Variants in ST6GALNAC3 observed in about 807,000 individuals in gnomAD.
ST6GALNAC3 encodes the protein ST6 N-acetylgalactosaminide alpha-2,6-sialyltransferase 3, also known as alpha-N-acetylgalactosaminide alpha-2,6-sialyltransferase 3.
Under a neutral mutation model 32.7 loss-of-function variants are expected in ST6GALNAC3, and 25 were observed. The ratio of observed to expected loss-of-function variants is 0.76; its 90% CI spans 0.56 to 1.07. The LOEUF (loss-of-function observed/expected upper bound fraction) is 1.07. Ranked by LOEUF, ST6GALNAC3 falls within the 50% of genes least tolerant of loss-of-function variation. ST6GALNAC3 has a pLI of 0.00. For synonymous variants in ST6GALNAC3, 129 were observed against 133.1 expected (o/e 0.97, Z 0.21); for missense variants, 355 against 382.4 (o/e 0.93, Z 0.60).
chr1:76,113,548 G>C (rs1648244162), intron 1 of ST6GALNAC3, among the ~76,000 whole-genome samples: 1 of 151,448 alleles, frequency 6.6e-6, no homozygotes. Context: ...TTCCAAGATG[G>C]ACACTCAGTG....
chr1:76,373,250 T>G (rs1472864895), intron 2 of ST6GALNAC3, among the ~76,000 whole-genome samples: 1 of 152,204 alleles, frequency 6.6e-6, no homozygotes, highest in Non-Finnish European at 1.5e-5. Flanking sequence ...ATTATGCCTC[T>G]AGTGCTGACT....
chr1:76,431,820 T>G (rs1189267107), intron 3 of ST6GALNAC3, among the ~76,000 whole-genome samples: 1 of 152,166 alleles, frequency 6.6e-6, no homozygotes, highest in Non-Finnish European at 1.5e-5. Flanking sequence ...CTGATGAACC[T>G]GCAGTGACAC....
intron 2 of ST6GALNAC3, among the ~76,000 whole-genome samples, chr1:76,342,484 T>A (rs1648129397): frequency 6.6e-6 from 1 of 152,224 alleles, no homozygotes; most frequent in South Asian, 2.1e-4. Context: ...TTTTTTCATA[T>A]GTTTGTTGGC....
At chr1:76,587,817 G>A (rs866801002) in intron 3 of ST6GALNAC3, among the ~76,000 whole-genome samples, 1 of 152,162 alleles carries the variant, frequency 6.6e-6, no homozygotes, top group Non-Finnish European at 1.5e-5. Context: ...AAGCCTGAAG[G>A]CTGGGATTGG....
At chr1:76,521,973 G>A (rs900516319) in intron 3 of ST6GALNAC3, among the ~76,000 whole-genome samples, 2 of 151,826 alleles carry the variant, frequency 1.3e-5, no homozygotes, top group Non-Finnish European at 2.9e-5. Context: ...GGAGGCTGAG[G>A]CAAGAGAATT....
chr1:76,607,898 C>T (rs555509890), intron 3 of ST6GALNAC3, among the ~76,000 whole-genome samples: 1 of 152,290 alleles, frequency 6.6e-6, no homozygotes, highest in South Asian at 2.1e-4. Context: ...TTGCCCCAAC[C>T]AAATGTAGCA....
chr1:76,608,583 G>T (rs891907886), intron 3 of ST6GALNAC3, among the ~76,000 whole-genome samples: 1 of 148,434 alleles, frequency 6.7e-6, no homozygotes, highest in South Asian at 2.2e-4. Context: ...AAGATCAAAA[G>T]CCCTGAGCTG....
chr1:76,458,159 G>T, intron 3 of ST6GALNAC3, among the ~76,000 whole-genome samples: 1 of 141,704 alleles, frequency 7.1e-6, no homozygotes, highest in African/African-American at 2.6e-5. Flanking sequence ...GGCCATCAGA[G>T]AAATGCAAAT....
At chr1:76,126,292 C>G (rs943090118) in intron 1 of ST6GALNAC3, among the ~76,000 whole-genome samples, 4 of 152,094 alleles carry the variant, frequency 2.6e-5, no homozygotes, top group Non-Finnish European at 5.9e-5. Context: ...CTCTCATGCA[C>G]TCATTAACCT....
At chr1:76,179,132 G>A (rs1470022768) in intron 1 of ST6GALNAC3, among the ~76,000 whole-genome samples, 3 of 152,196 alleles carry the variant, frequency 2.0e-5, no homozygotes, top group African/African-American at 7.2e-5. Context: ...CCAACTAGGA[G>A]TGTCCCAGCC....
intron 3 of ST6GALNAC3, among the ~76,000 whole-genome samples, chr1:76,541,079 G>A (rs1282610434): frequency 6.6e-6 from 1 of 152,162 alleles, no homozygotes; most frequent in Non-Finnish European, 1.5e-5. Context: ...TGGCAAGAAT[G>A]TAGCCTTCAG....
intron 1 of ST6GALNAC3, among the ~76,000 whole-genome samples, chr1:76,078,650 G>C (rs1646848845): frequency 6.6e-6 from 1 of 152,268 alleles, no homozygotes; most frequent in African/African-American, 2.4e-5. Context: ...CTGTATATTA[G>C]TTATATTGCA....
chr1:76,111,119 A>G (rs541760801), intron 1 of ST6GALNAC3, among the ~76,000 whole-genome samples: 4 of 152,344 alleles, frequency 2.6e-5, no homozygotes, highest in Admixed American at 2.0e-4. Context: ...AATTTAGTTT[A>G]CTGTGTGTTT....
At chr1:76,374,146 T>A (rs368189569) in intron 2 of ST6GALNAC3, among the ~76,000 whole-genome samples, 1 of 152,210 alleles carries the variant, frequency 6.6e-6, no homozygotes, top group African/African-American at 2.4e-5. Flanking sequence ...CACTTAGCAC[T>A]TATATAGGGC....
At chr1:76,134,325 T>G (rs191464869) in intron 1 of ST6GALNAC3, among the ~76,000 whole-genome samples, 101 of 152,362 alleles carry the variant, frequency 6.6e-4, no homozygotes, top group African/African-American at 2.3e-3. Context: ...GTCTGGCTTA[T>G]AGTTGGCACT....
intron 1 of ST6GALNAC3, among the ~76,000 whole-genome samples, chr1:76,079,834 A>G (rs1021798394): frequency 4.0e-5 from 6 of 151,802 alleles, no homozygotes; most frequent in African/African-American, 1.2e-4. Flanking sequence ...GCCTTGTTCA[A>G]CTCCCACTTT....
chr1:76,457,299 A>T (rs918678082), intron 3 of ST6GALNAC3, among the ~76,000 whole-genome samples: 2 of 152,184 alleles, frequency 1.3e-5, no homozygotes, highest in African/African-American at 4.8e-5. Context: ...TACAGATTCA[A>T]TGCCATCCCC....
chr1:76,516,539 C>A (rs983395371), intron 3 of ST6GALNAC3, among the ~76,000 whole-genome samples: 12 of 152,118 alleles, frequency 7.9e-5, no homozygotes, highest in Non-Finnish European at 1.6e-4. Context: ...AGGATATTTG[C>A]ATTTTATATT....
intron 3 of ST6GALNAC3, among the ~76,000 whole-genome samples, chr1:76,518,515 T>C (rs1364052681): frequency 2.0e-5 from 3 of 152,154 alleles, no homozygotes; most frequent in Non-Finnish European, 4.4e-5. Flanking sequence ...CTTTCTTTAG[T>C]AATTCTGCAT....
Sources: allele counts gnomAD v4.1 joint callset (sites outside exome capture counted in the v4.1 genomes callset), GRCh38; gene constraint gnomAD v4.1.1; transcripts MANE v1.5; gene names NCBI Gene and HGNC (gene_info 2026-07-23, HGNC 2026-07-21).